PTPRT: variants seen among roughly 807,000 people sequenced by gnomAD.
PTPRT encodes protein tyrosine phosphatase receptor type T.
A neutral mutation model predicts 176.8 loss-of-function variants in PTPRT; 56 were observed. The observed-to-expected ratio is 0.32, with a 90% CI of 0.26 to 0.40. The LOEUF is 0.40. Among genes scored for constraint, PTPRT ranks in the 10% least tolerant of loss-of-function variants. The pLI is 1.00. For synonymous variants in PTPRT, 783 were observed against 739.0 expected (o/e 1.06, Z -0.96); for missense variants, 1,540 against 1,908.2 (o/e 0.81, Z 3.60).
intron 2 of PTPRT, among the ~76,000 whole-genome samples, chr20:42,797,275 AT>A (rs936254294): frequency 1.3e-5 from 2 of 152,158 alleles, no homozygotes; most frequent in African/African-American, 4.8e-5. Context: ...GGTCCATGGC[AT>A]TTGTGTCAGA....
At chr20:42,635,427 A>AT (rs1220127526) in intron 7 of PTPRT, among the ~76,000 whole-genome samples, 1 of 152,198 alleles carries the variant, frequency 6.6e-6, no homozygotes, top group Non-Finnish European at 1.5e-5. Flanking sequence ...TTAAGATGAA[A>AT]TTCGTGAACA....
chr20:42,389,507 GT>G (rs775826645), intron 9 of PTPRT, among the ~76,000 whole-genome samples: 5 of 152,190 alleles, frequency 3.3e-5, no homozygotes, highest in Middle Eastern at 3.4e-3. Context: ...AATGGGAGGT[GT>G]TTAGGTCATG....
At chr20:42,931,320 G>T (rs1463486584) in intron 1 of PTPRT, among the ~76,000 whole-genome samples, 1 of 152,208 alleles carries the variant, frequency 6.6e-6, no homozygotes, top group African/African-American at 2.4e-5. Context: ...ACACACTTAG[G>T]AAATGCCAGG....
chr20:43,118,917 T>C (rs2013155233), intron 1 of PTPRT, among the ~76,000 whole-genome samples: 1 of 152,138 alleles, frequency 6.6e-6, no homozygotes, highest in East Asian at 1.9e-4. Flanking sequence ...CCTAAAATGG[T>C]TACAAAGAAT....
chr20:43,119,217 T>G (rs1045447757), intron 1 of PTPRT, among the ~76,000 whole-genome samples: 6 of 152,214 alleles, frequency 3.9e-5, no homozygotes, highest in Non-Finnish European at 8.8e-5. Flanking sequence ...ATTAAATGTA[T>G]AAAAAGCTCT....
At position 42,084,776 on chromosome 20, in the gene PTPRT, G is replaced by T. The variant is rs539998222; in HGVS notation, c.4042C>A (p.Pro1348Thr). 3 of 1,559,536 alleles carry T rather than the reference G, an allele frequency of 1.9e-6. No homozygotes were observed. The highest frequency in any genetic ancestry group is 2.6e-6 in the Non-Finnish European group (3 of 1,148,638). The change falls in exon 29 of 31, where the codon CCC becomes ACC. Residue 1348 changes from proline to threonine, a missense_variant. This residue lies in a region of PTPRT where 342 missense variants were observed against 394.0 expected (regional missense o/e 0.87). Transcript: ENST00000373187. ...ACTTTGAGCAGAGAGCGCTTGGAGG[G>T]GGGCGTGTCCCGGTAGGCAGGCCAG... ...IGWPAYRDTP[P>T]SKRSLLKVVR...
intron 15 of PTPRT, among the ~76,000 whole-genome samples, chr20:42,222,081 C>G (rs2055899883): frequency 6.6e-6 from 1 of 152,192 alleles, no homozygotes; most frequent in African/African-American, 2.4e-5. Context: ...CCCCTGCACT[C>G]AGACCTGTAA....
chr20:42,493,375 C>T (rs2071596109), intron 7 of PTPRT, among the ~76,000 whole-genome samples: 1 of 151,888 alleles, frequency 6.6e-6, no homozygotes, highest in South Asian at 2.1e-4. Context: ...TTTTTTAAGA[C>T]TAAGAAACTC....
At chr20:42,287,622 A>G (rs1353970467) in intron 12 of PTPRT, among the ~76,000 whole-genome samples, 2 of 151,894 alleles carry the variant, frequency 1.3e-5, no homozygotes, top group African/African-American at 4.8e-5. Flanking sequence ...ATACAAGATT[A>G]TACCTAGATA....
chr20:42,259,809 G>A (rs1463413083), intron 13 of PTPRT, among the ~76,000 whole-genome samples: 1 of 152,188 alleles, frequency 6.6e-6, no homozygotes, highest in Admixed American at 6.5e-5. Context: ...GCCCACAAGT[G>A]TGGCTTAGAC....
intron 6 of PTPRT, among the ~76,000 whole-genome samples, chr20:42,748,987 C>A (rs1432779364): frequency 6.6e-6 from 1 of 152,172 alleles, no homozygotes; most frequent in Admixed American, 6.5e-5. Flanking sequence ...GGAACTCCTG[C>A]CCTGAGTCTG....
chr20:42,927,948 G>A (rs1339588793), intron 1 of PTPRT, among the ~76,000 whole-genome samples: 1 of 152,200 alleles, frequency 6.6e-6, no homozygotes, highest in Non-Finnish European at 1.5e-5. Context: ...AAAGAGGAGA[G>A]CTGGGATCTA....
At chr20:43,022,622 G>A (rs144564796) in intron 1 of PTPRT, among the ~76,000 whole-genome samples, 3 of 152,318 alleles carry the variant, frequency 2.0e-5, no homozygotes, top group East Asian at 3.9e-4. Flanking sequence ...CTGGGAAGAG[G>A]AGAGTCTCTC....
intron 1 of PTPRT, among the ~76,000 whole-genome samples, chr20:42,919,260 CT>C (rs1978992296): frequency 6.6e-6 from 1 of 152,164 alleles, no homozygotes; most frequent in African/African-American, 2.4e-5. Context: ...CTACTTGGGG[CT>C]TTGGGCTGGG....
At position 42,789,260 on chromosome 20, in the gene PTPRT, G is replaced by T. The variant is rs184637307; in HGVS notation, c.486+1935C>A. Among the ~76,000 whole-genome samples the T allele has an allele frequency of 1.4e-4, 21 of 152,264 alleles. No homozygotes were observed. The South Asian group carries it at 1.9e-3, about 14-fold the overall frequency. ...TTACATGTCCAAGTGATAGTATTTT[G>T]GATACGTTGGTTTAAGTAAAATGTA... On this transcript the variant is annotated intron_variant, in intron 3 of 30. Transcript: ENST00000373187.
rs150022273 is a variant in PTPRT, at chr20:42,603,896, C to G, written c.1153+73970G>C. On this transcript the variant is annotated intron_variant, in intron 7 of 30. Coordinates refer to ENST00000373187, the MANE Select transcript of PTPRT (RefSeq NM_007050.6). ...CTCCCTCCTCCATGCATATCCAGCT[C>G]TTCTCAACCTGGGGCTCCCTTAGAA... Among the ~76,000 whole-genome samples the G allele has an allele frequency of 1.4e-4, 21 of 152,344 alleles. No homozygotes were observed. The South Asian group carries it at 3.7e-3, about 27-fold the overall frequency.
chr20:42,325,967 C>A (rs890209921), intron 11 of PTPRT, among the ~76,000 whole-genome samples: 1 of 152,154 alleles, frequency 6.6e-6, no homozygotes, highest in Non-Finnish European at 1.5e-5. Context: ...TGGAGATAGG[C>A]AACCTAAGGA....
At chr20:42,822,478 G>T (rs1170143767) in intron 2 of PTPRT, among the ~76,000 whole-genome samples, 1 of 152,082 alleles carries the variant, frequency 6.6e-6, no homozygotes, top group Non-Finnish European at 1.5e-5. Flanking sequence ...TACCATTCAG[G>T]ACATAGGCAT....
chr20:42,515,673 T>G (rs1313118098), intron 7 of PTPRT, among the ~76,000 whole-genome samples: 2 of 152,160 alleles, frequency 1.3e-5, no homozygotes, highest in Non-Finnish European at 2.9e-5. Flanking sequence ...AGTGTACAGT[T>G]TTTTAAATTT....
Sources: gnomAD v4.1 joint callset for allele counts (sites outside exome capture counted in the v4.1 genomes callset) on GRCh38, gnomAD v4.1.1 for gene constraint, gnomAD v4.1.1 regional missense constraint, MANE v1.5 for transcripts, NCBI Gene and HGNC (gene_info 2026-07-23, HGNC 2026-07-21) for gene names.